KAT6A: variants seen among roughly 807,000 people sequenced by gnomAD.
KAT6A encodes histone acetyltransferase KAT6A.
In KAT6A, 9 loss-of-function variants were observed where a neutral mutation model predicts 198.4. The observed-to-expected ratio is 0.05, with a 90% CI of 0.03 to 0.08. KAT6A has a LOEUF of 0.08. KAT6A is among the 10% of genes least tolerant of loss of function. The pLI, the probability that KAT6A is intolerant of heterozygous loss-of-function variation, is 1.00. For missense variants in KAT6A, 2,077 were observed against 2,509.9 expected, an observed-to-expected ratio of 0.83 and a Z score of 3.69; for synonymous variants, 890 against 883.0, an observed-to-expected ratio of 1.01 and a Z score of -0.14.
intron 2 of KAT6A, among the ~76,000 whole-genome samples, chr8:42,022,982 G>A (rs888356242): frequency 6.6e-6 from 1 of 152,142 alleles, no homozygotes; most frequent in Non-Finnish European, 1.5e-5. Flanking sequence ...ATCATAAAGT[G>A]TACTTACACA....
chr8:41,995,043 C>T (rs1376493218), intron 2 of KAT6A, among the ~76,000 whole-genome samples: 1 of 150,030 alleles, frequency 6.7e-6, no homozygotes, highest in Non-Finnish European at 1.5e-5. Context: ...GCAACAAGAG[C>T]GAGACTCCAT....
chr8:41,957,118 C>T (rs750136544), intron 8 of KAT6A: 4 of 604,120 alleles, frequency 6.6e-6, no homozygotes, highest in South Asian at 1.4e-5. Flanking sequence ...GGCGGATGCC[C>T]GATGTGAAAG....
chr8:42,027,546 T>C (rs879812765), intron 2 of KAT6A, among the ~76,000 whole-genome samples: 2 of 152,184 alleles, frequency 1.3e-5, no homozygotes, highest in South Asian at 2.1e-4. Context: ...TCCAGTAATG[T>C]ATCCATTTCC....
At chr8:41,943,688 G>T in intron 13 of KAT6A, 60 bp downstream of exon 13, 2 of 1,150,936 alleles carry the variant, frequency 1.7e-6, no homozygotes, top group Non-Finnish European at 2.6e-6. Flanking sequence ...CTGACTGGCT[G>T]ATCCAAAAAA....
At chr8:42,032,391 T>G (rs1230090342) in intron 2 of KAT6A, among the ~76,000 whole-genome samples, 1 of 152,206 alleles carries the variant, frequency 6.6e-6, no homozygotes, top group Non-Finnish European at 1.5e-5. Context: ...CTTCAATATC[T>G]GAAATATTTC....
At chr8:41,999,118 AT>A (rs1282697606) in intron 2 of KAT6A, among the ~76,000 whole-genome samples, 1 of 152,178 alleles carries the variant, frequency 6.6e-6, no homozygotes, top group Admixed American at 6.5e-5. Flanking sequence ...TATGTAGATT[AT>A]TGGAAATTCA....
At chr8:42,028,042 G>C (rs919508270) in intron 2 of KAT6A, among the ~76,000 whole-genome samples, 2 of 151,984 alleles carry the variant, frequency 1.3e-5, no homozygotes, top group African/African-American at 4.8e-5. Flanking sequence ...TAATTTCCTT[G>C]TATTTATATA....
In KAT6A at chr8:41,933,259, G is replaced by A. The variant is rs769175905; in HGVS notation, c.4961C>T (p.Pro1654Leu). 1.4e-5 allele frequency: 22 copies of A among 1,553,414 alleles called. No homozygotes were observed. Among genetic ancestry groups the A allele is most frequent in the Middle Eastern group, 1.8e-4 (1 of 5,452 alleles). Residue 1654 changes from proline to leucine, a missense_variant, in exon 17 of 17, where the codon CCG becomes CTG. Physicochemically the swap from Pro to Leu is moderately conservative, Grantham distance 98. This residue lies in a region of KAT6A where 500 missense variants were observed against 577.2 expected (regional missense o/e 0.87). Transcript: ENST00000265713. The surrounding 1 kb of genome is among the most constrained non-coding windows in gnomAD (Gnocchi z 6.2). ...PSNQQQQPPPPPPQQPQPPPP... is the reference protein window; with the variant it reads ...PSNQQQQPPPLPPQQPQPPPP... ...CGGCGGCTGTGGCTGCTGTGGAGGC[G>A]GTGGTGGCGGCTGCTGCTGCTGGTT... is the stretch of plus-strand genomic sequence containing the variant.
At chr8:41,982,944 G>A (rs1824432349) in intron 3 of KAT6A, among the ~76,000 whole-genome samples, 1 of 152,012 alleles carries the variant, frequency 6.6e-6, no homozygotes, top group Admixed American at 6.6e-5. Context: ...ATCCACTGGG[G>A]GTCTTGAAAC....
At chr8:42,007,084 A>T (rs1292223499) in intron 2 of KAT6A, among the ~76,000 whole-genome samples, 3 of 152,064 alleles carry the variant, frequency 2.0e-5, no homozygotes, top group Admixed American at 6.6e-5. Context: ...CAAAACTATC[A>T]TGCAATTTGC....
chr8:41,978,418 A>G (rs914606841), intron 6 of KAT6A, among the ~76,000 whole-genome samples: 2 of 152,246 alleles, frequency 1.3e-5, no homozygotes, highest in Non-Finnish European at 2.9e-5. Context: ...AGCAGCAGCT[A>G]TATTTCACTG....
intron 2 of KAT6A, among the ~76,000 whole-genome samples, chr8:42,024,676 C>T (rs551993135): frequency 6.4e-4 from 98 of 152,182 alleles, no homozygotes; most frequent in African/African-American, 2.3e-3. Context: ...TAAGTGAGAA[C>T]GTGACAGCTG....
At chr8:41,957,052 C>T (rs1458342645) in intron 8 of KAT6A, 1 of 591,888 alleles carries the variant, frequency 1.7e-6, no homozygotes. Context: ...CATGCACCTG[C>T]TGCGGCACTG....
chr8:41,988,498 C>A (rs1487296353), intron 2 of KAT6A, among the ~76,000 whole-genome samples: 1 of 152,104 alleles, frequency 6.6e-6, no homozygotes, highest in African/African-American at 2.4e-5. Context: ...AGGAGATAAT[C>A]ACTTGGAGAA....
At position 41,931,278 on chromosome 8, in the gene KAT6A, T is replaced by C. The variant is rs540032227; in HGVS notation, c.*927A>G. The C allele has an allele frequency of 3.2e-4, 70 of 220,278 alleles. No individual in the cohort carries two copies. In the East Asian group the frequency reaches 3.7e-3, roughly 12 times the overall value. The allele number at this position is 220,278 out of a possible 1,614,324, so 13.6% of individuals were successfully genotyped here. A position where few individuals can be genotyped will look rare whatever the true frequency, so the allele number is the denominator to read the frequency against. On this transcript the variant is annotated 3_prime_UTR_variant, in exon 17 of 17. Transcript: ENST00000265713. ...AACAAGAGGCTGGGTGGCGTGTGTG[T>C]GCGTTATGGCTGATTCACCAGGTGG...
chr8:41,947,031 A>G (rs1439682268), intron 11 of KAT6A, among the ~76,000 whole-genome samples: 2 of 152,246 alleles, frequency 1.3e-5, no homozygotes, highest in Non-Finnish European at 2.9e-5. Context: ...GTGCCACTCT[A>G]GAAGTGAGAA....
At position 41,930,082 on chromosome 8, in the gene KAT6A, T is replaced by C. The variant is rs1390238924; in HGVS notation, c.*2123A>G. On this transcript the variant is annotated 3_prime_UTR_variant, in exon 17 of 17. Transcript: ENST00000265713. ...TTTTTTTTCTACAATAGTTCTACAG[T>C]CACAAAGAGGCTTGTGGAAAAGGGA... The C allele has an allele frequency of 8.6e-6, 2 of 231,248 alleles. No individual in the cohort carries two copies. The highest frequency in any genetic ancestry group is 1.7e-5 in the Non-Finnish European group (2 of 116,902). The allele number at this position is 231,248 out of a possible 1,614,324, so 14.3% of individuals were successfully genotyped here.
At chr8:42,009,918 AAAAAAAC>A (rs1564062973) in intron 2 of KAT6A, among the ~76,000 whole-genome samples, 1 of 148,294 alleles carries the variant, frequency 6.7e-6, no homozygotes, top group African/African-American at 2.6e-5. Context: ...AAAAAAACAA[AAAAAAAC>A]AAAACCACAA....
intron 2 of KAT6A, among the ~76,000 whole-genome samples, chr8:42,034,802 A>G (rs147737659): frequency 2.6e-5 from 4 of 152,360 alleles, no homozygotes; most frequent in African/African-American, 7.2e-5. Flanking sequence ...CTGTCAGCCC[A>G]GATGTATATT....
Sources: allele counts gnomAD v4.1 joint callset (sites outside exome capture counted in the v4.1 genomes callset), GRCh38; gene constraint gnomAD v4.1.1; regional missense constraint gnomAD v4.1.1; non-coding constraint Gnocchi (gnomAD v3.1); transcripts MANE v1.5; gene names NCBI Gene and HGNC (gene_info 2026-07-23, HGNC 2026-07-21).